Variants in GRIA1 observed in about 807,000 individuals in gnomAD.
GRIA1 encodes the protein glutamate receptor 1.
In GRIA1, 31 loss-of-function variants were observed where a neutral mutation model predicts 99.2. The ratio of observed to expected loss-of-function variants is 0.31; its 90% CI spans 0.23 to 0.42. The LOEUF (loss-of-function observed/expected upper bound fraction) is 0.42. Ranked by LOEUF, GRIA1 falls within the 10% of genes least tolerant of loss-of-function variation. The pLI is 1.00. For synonymous variants in GRIA1, 438 were observed against 432.4 expected (o/e 1.01, Z -0.16); for missense variants, 782 against 1,157.5 (o/e 0.68, Z 4.71).
intron 2 of GRIA1, among the ~76,000 whole-genome samples, chr5:153,639,191 T>C (rs1442256526): frequency 2.6e-5 from 4 of 152,170 alleles, no homozygotes; most frequent in African/African-American, 9.7e-5. Flanking sequence ...AGCTATGGGA[T>C]GTTAGAGAGG....
At chr5:153,788,010 G>A (rs1372130792) in intron 13 of GRIA1, among the ~76,000 whole-genome samples, 1 of 152,068 alleles carries the variant, frequency 6.6e-6, no homozygotes, top group Non-Finnish European at 1.5e-5. Flanking sequence ...AACCCAGGAG[G>A]CGTAGCTTGC....
At chr5:153,770,119 C>A (rs1247096202) in intron 12 of GRIA1, 49 bp from the exon 13 acceptor site, 2 of 1,599,482 alleles carry the variant, frequency 1.3e-6, no homozygotes, top group Non-Finnish European at 1.7e-6. Flanking sequence ...TGTGCACCGA[C>A]CCCAATTCCA....
intron 2 of GRIA1, among the ~76,000 whole-genome samples, chr5:153,598,946 A>G (rs1185238572): frequency 2.0e-5 from 3 of 152,138 alleles, no homozygotes; most frequent in Admixed American, 6.5e-5. Context: ...CAGTGGCACA[A>G]TCTCGGCTCA....
chr5:153,757,636 T>C (rs1349698765), intron 11 of GRIA1, among the ~76,000 whole-genome samples: 2 of 152,188 alleles, frequency 1.3e-5, no homozygotes, highest in South Asian at 2.1e-4. Flanking sequence ...GAAGTACTCT[T>C]GGTGATATAT....
chr5:153,612,779 G>A (rs977657011), intron 2 of GRIA1, among the ~76,000 whole-genome samples: 6 of 152,106 alleles, frequency 3.9e-5, no homozygotes, highest in Admixed American at 6.5e-5. Context: ...TGCAAGCTTC[G>A]TAGGATACCC....
intron 2 of GRIA1, chr5:153,573,360 G>T (rs918828004): frequency 8.6e-5 from 13 of 152,016 alleles, no homozygotes; most frequent in African/African-American, 2.9e-4. Flanking sequence ...TTGGGAAATG[G>T]GAATAAAAAT....
At chr5:153,521,665 T>G (rs1157470535) in intron 2 of GRIA1, among the ~76,000 whole-genome samples, 1 of 152,164 alleles carries the variant, frequency 6.6e-6, no homozygotes, top group East Asian at 1.9e-4. Flanking sequence ...CAGATGTAGC[T>G]CTGGTGGTTG....
At chr5:153,609,681 A>G (rs1214515853) in intron 2 of GRIA1, among the ~76,000 whole-genome samples, 1 of 147,064 alleles carries the variant, frequency 6.8e-6, no homozygotes, top group East Asian at 2.0e-4. Context: ...CTCCTGCCTC[A>G]GCCTTCCGAG....
chr5:153,649,492 T>C (rs934353690), intron 3 of GRIA1, among the ~76,000 whole-genome samples: 1 of 151,708 alleles, frequency 6.6e-6, no homozygotes, highest in African/African-American at 2.4e-5. Flanking sequence ...AGTTTCACTC[T>C]TGTCACCCAG....
chr5:153,519,307 C>T lies in GRIA1; in HGVS notation c.220+25242C>T, dbSNP rs541410176. ...AAATGCCAATTCGAGGGTCTCAGGCCGGACCTCCTGAATCAGAAACTTTGG... is the reference window on the plus strand; with the variant it reads ...AAATGCCAATTCGAGGGTCTCAGGCTGGACCTCCTGAATCAGAAACTTTGG... On this transcript the variant is annotated intron_variant, in intron 2 of 15. Coordinates refer to ENST00000285900, the MANE Select transcript of GRIA1 (RefSeq NM_000827.4). Among the ~76,000 whole-genome samples the T allele has an allele frequency of 1.4e-4, 21 of 151,950 alleles. No homozygotes were observed. In the South Asian group the frequency reaches 3.1e-3, roughly 23 times the overall value.
chr5:153,522,519 GC>G (rs1581170076), intron 2 of GRIA1, among the ~76,000 whole-genome samples: 1 of 152,112 alleles, frequency 6.6e-6, no homozygotes, highest in East Asian at 1.9e-4. Flanking sequence ...ACTTCCATGG[GC>G]TAATATAACA....
At chr5:153,663,217 C>T (rs939872013) in intron 5 of GRIA1, among the ~76,000 whole-genome samples, 7 of 152,188 alleles carry the variant, frequency 4.6e-5, no homozygotes, top group African/African-American at 1.4e-4. Flanking sequence ...ATTCTGGTCC[C>T]ATTTTATAAG....
At chr5:153,746,378 A>T (rs535773763) in intron 11 of GRIA1, among the ~76,000 whole-genome samples, 1 of 152,304 alleles carries the variant, frequency 6.6e-6, no homozygotes, top group East Asian at 1.9e-4. Flanking sequence ...GCTCCTTTTA[A>T]TATGTGCCTT....
intron 2 of GRIA1, among the ~76,000 whole-genome samples, chr5:153,613,139 C>T (rs540124985): frequency 4.4e-4 from 66 of 150,758 alleles, no homozygotes; most frequent in African/African-American, 1.5e-3. Flanking sequence ...AATTTCTGTT[C>T]CAGGGAGTAC....
chr5:153,704,241 T>C (rs1758731283), intron 10 of GRIA1, among the ~76,000 whole-genome samples: 1 of 152,244 alleles, frequency 6.6e-6, no homozygotes, highest in Non-Finnish European at 1.5e-5. Context: ...ATAGCATCTG[T>C]CACCAGCTTC....
At chr5:153,736,918 C>A (rs999669794) in intron 11 of GRIA1, among the ~76,000 whole-genome samples, 1 of 152,158 alleles carries the variant, frequency 6.6e-6, no homozygotes, top group Non-Finnish European at 1.5e-5. Flanking sequence ...CTTGACCATG[C>A]TTCAAACTAA....
At chr5:153,618,845 A>G (rs918522) in intron 2 of GRIA1, among the ~76,000 whole-genome samples, 3 of 152,328 alleles carry the variant, frequency 2.0e-5, no homozygotes, top group East Asian at 3.9e-4. Flanking sequence ...GAAGTTCTGT[A>G]TATTATGCTC....
chr5:153,653,281 T>C (rs927285858), intron 4 of GRIA1, among the ~76,000 whole-genome samples: 4 of 152,140 alleles, frequency 2.6e-5, no homozygotes, highest in African/African-American at 9.7e-5. Flanking sequence ...GCCTTTAAGA[T>C]GGAGGAAAAG....
intron 14 of GRIA1, among the ~76,000 whole-genome samples, chr5:153,795,858 T>C (rs1682099271): frequency 6.6e-6 from 1 of 152,110 alleles, no homozygotes; most frequent in Admixed American, 6.6e-5. Context: ...TGAGGAGTTA[T>C]ATGCAAGGCT....
Sources: allele counts gnomAD v4.1 joint callset (sites outside exome capture counted in the v4.1 genomes callset), GRCh38; gene constraint gnomAD v4.1.1; transcripts MANE v1.5; gene names NCBI Gene and HGNC (gene_info 2026-07-23, HGNC 2026-07-21).